The following GRK2 variants were observed in gnomAD, a reference collection of about 807,000 sequenced individuals.
GRK2 encodes the protein adrenergic beta receptor kinase 1.
A neutral mutation model predicts 97.8 loss-of-function variants in GRK2; 23 were observed. The ratio of observed to expected loss-of-function variants is 0.24; its 90% CI spans 0.17 to 0.33. GRK2 has a LOEUF of 0.33. GRK2 is among the 10% of genes least tolerant of loss of function. The probability of loss-of-function intolerance (pLI) is 1.00; values close to 1 mark genes in which losing one functional copy is unlikely to be tolerated. For missense variants in GRK2, 633 were observed against 956.9 expected (o/e 0.66, Z 4.47); for synonymous variants, 425 against 381.7 (o/e 1.11, Z -1.32).
intron 1 of GRK2, among the ~76,000 whole-genome samples, chr11:67,272,322 C>T (rs1859928545): frequency 1.3e-5 from 2 of 152,166 alleles, no homozygotes; most frequent in African/African-American, 4.8e-5. Flanking sequence ...AGCCTTTGGA[C>T]ATTTTCTTTG....
At position 67,282,615 on chromosome 11, in the gene GRK2, C is replaced by G. The variant is rs1422986700; in HGVS notation, c.1160+73C>G. On this transcript the variant is annotated intron_variant, in intron 13 of 20. Transcript: ENST00000308595. The surrounding 1 kb of genome is among the most constrained non-coding windows in gnomAD (Gnocchi z 6.9). Reference sequence around the variant, plus strand: ...TTCCTCCCCAATCCAGGTGGGATGCCAAAGGAGGGGAGCCCATAGCTGCCT... The same window carrying G: ...TTCCTCCCCAATCCAGGTGGGATGCGAAAGGAGGGGAGCCCATAGCTGCCT... 4.5e-6 allele frequency: 7 copies of G among 1,569,904 alleles called. No individual in the cohort carries two copies. Among genetic ancestry groups the G allele is most frequent in the Non-Finnish European group, 6.1e-6 (7 of 1,146,112 alleles).
At chr11:67,273,962 G>T (rs1387550657) in intron 1 of GRK2, among the ~76,000 whole-genome samples, 5 of 151,728 alleles carry the variant, frequency 3.3e-5, no homozygotes, top group Non-Finnish European at 7.4e-5. Context: ...AGTGGCAGTG[G>T]CTACTCCCTG....
chr11:67,280,783 C>G lies in GRK2; in HGVS notation c.555C>G (p.His185Gln). The G allele has an allele frequency of 1.2e-6, 2 of 1,614,006 alleles. No individual in the cohort carries two copies. Among genetic ancestry groups the G allele is most frequent in the Non-Finnish European group, 1.7e-6 (2 of 1,179,978 alleles). Residue 185 changes from histidine to glutamine, a missense_variant and splice_region_variant, in exon 7 of 21, where the codon CAC becomes CAG. Physicochemically the swap from His to Gln is conservative, Grantham distance 24. This residue lies in a region of GRK2 where 192 missense variants were observed against 362.3 expected (regional missense o/e 0.53). Coordinates refer to ENST00000308595, the MANE Select transcript of GRK2 (RefSeq NM_001619.5). Reference sequence around the variant, plus strand: ...GGAAGAATGTGGAGCTCAACATCCACGTGAGTGGGCTTGGGTGGGGCATGG... The same window carrying G: ...GGAAGAATGTGGAGCTCAACATCCAGGTGAGTGGGCTTGGGTGGGGCATGG... ...CQWKNVELNI[H>Q]LTMNDFSVHR...
chr11:67,283,525 A>G (rs1860199839), intron 15 of GRK2, 182 bp from the exon 16 acceptor site: 2 of 655,034 alleles, frequency 3.1e-6, no homozygotes, highest in East Asian at 5.4e-5. Flanking sequence ...TGCAAAATTT[A>G]CCAGTGTTAA....
intron 1 of GRK2, among the ~76,000 whole-genome samples, chr11:67,267,405 G>C (rs970192568): frequency 8.5e-5 from 13 of 152,238 alleles, no homozygotes; most frequent in African/African-American, 3.1e-4. Flanking sequence ...TGGGGTCGCT[G>C]TCCTGGAGTT....
rs1860204684 is a variant in GRK2, at chr11:67,283,716, G to A, written c.1338G>A (p.Glu446=). 5.0e-6 allele frequency: 8 copies of A among 1,613,452 alleles called. No homozygotes were observed. The highest frequency in any genetic ancestry group is 6.8e-6 in the Non-Finnish European group (8 of 1,180,006). Residue 446 remains glutamate, a synonymous_variant, in exon 16 of 21, where the codon GAG becomes GAA. Transcript: ENST00000308595. The part of the protein sequence containing the change: ...RLGCLGRGAQ[E]VKESPFFRSL... ...TGGCCTCTCCCCACAGGGCTCAGGA[G>A]GTGAAAGAGAGCCCCTTTTTCCGCT...
Position 67,282,063 on chromosome 11 carries a change from C to G in GRK2, c.957+111C>G. 7.0e-7 allele frequency: 1 copy of G among 1,430,130 alleles called. No individual in the cohort carries two copies. The highest frequency in any genetic ancestry group is 9.6e-7 in the Non-Finnish European group (1 of 1,041,006). 88.6% of individuals were successfully genotyped at this position (1,430,130 alleles called of 1,614,324 possible). On this transcript the variant is annotated intron_variant, in intron 11 of 20. Transcript: ENST00000308595. This position sits in a 1 kb window ranked among gnomAD's most constrained non-coding sequence, Gnocchi z 6.9. ...TGGGGCTCCTGGGACATGGCCGCCC[C>G]GTATCTTCCCATCTCCGCCCCTGCC...
intron 1 of GRK2, among the ~76,000 whole-genome samples, chr11:67,272,842 C>G (rs942649798): frequency 2.6e-5 from 4 of 152,254 alleles, no homozygotes; most frequent in African/African-American, 7.2e-5. Context: ...CCACCCTGCT[C>G]GGCTCAGCCC....
chr11:67,281,564 C>T lies in GRK2; in HGVS notation c.747+6C>T. 3 of 1,613,108 alleles carry T rather than the reference C, an allele frequency of 1.9e-6. No individual in the cohort carries two copies. The highest frequency in any genetic ancestry group is 2.5e-6 in the Non-Finnish European group (3 of 1,179,754). ...TCTCGCTCGTCAGCACTGGGGTGAG[C>T]TGGGTGGGCCGGGCTGCCGCTGAGG... is the stretch of plus-strand genomic sequence containing the variant. On this transcript the variant is annotated splice_donor_region_variant and intron_variant, in intron 9 of 20. Transcript: ENST00000308595. The surrounding 1 kb of genome is among the most constrained non-coding windows in gnomAD (Gnocchi z 5.7).
Position 67,281,841 on chromosome 11 carries a change from C to T in GRK2, c.846C>T (p.His282=). 5.6e-6 allele frequency: 9 copies of T among 1,613,726 alleles called. No individual in the cohort carries two copies. The highest frequency in any genetic ancestry group is 7.6e-6 in the Non-Finnish European group (9 of 1,179,986). Residue 282 remains histidine, a synonymous_variant, in exon 11 of 21, where the codon CAC becomes CAT. Transcript: ENST00000308595. This position sits in a 1 kb window ranked among gnomAD's most constrained non-coding sequence, Gnocchi z 5.7. ...DLMNGGDLHY[H]LSQHGVFSEA... ...CCTCAGGTGGGGACCTGCACTACCA[C>T]CTCTCCCAGCACGGGGTCTTCTCAG...
chr11:67,273,496 G>A (rs1039778602), intron 1 of GRK2, among the ~76,000 whole-genome samples: 3 of 152,130 alleles, frequency 2.0e-5, no homozygotes, highest in Admixed American at 2.0e-4. Context: ...GTGCTCGCCC[G>A]TGCTTGCCAC....
chr11:67,274,157 C>T (rs1298649751), intron 1 of GRK2, among the ~76,000 whole-genome samples: 2 of 151,994 alleles, frequency 1.3e-5, no homozygotes, highest in African/African-American at 2.4e-5. Flanking sequence ...GGACTACAGG[C>T]GCACGCCACC....
intron 1 of GRK2, among the ~76,000 whole-genome samples, chr11:67,268,819 C>G (rs1859849695): frequency 6.6e-6 from 1 of 152,212 alleles, no homozygotes; most frequent in Non-Finnish European, 1.5e-5. Context: ...CAGCAACCAA[C>G]CTGTGAAGCT....
At chr11:67,277,679 CAGGA>C (rs1284277876) in intron 2 of GRK2, among the ~76,000 whole-genome samples, 4 of 152,264 alleles carry the variant, frequency 2.6e-5, no homozygotes, top group African/African-American at 9.6e-5. Context: ...GTAGAACTGA[CAGGA>C]AGAGGCGGGG....
intron 1 of GRK2, among the ~76,000 whole-genome samples, chr11:67,274,495 C>CGTT: frequency 4.4e-5 from 1 of 22,482 alleles, no homozygotes; most frequent in South Asian, 3.5e-3. Context: ...TGACCAGCAC[C>CGTT]TTTTTTTTTT....
At chr11:67,267,334 C>T (rs779558926) in intron 1 of GRK2, among the ~76,000 whole-genome samples, 1 of 152,268 alleles carries the variant, frequency 6.6e-6, no homozygotes, top group East Asian at 1.9e-4. Flanking sequence ...CTCCTCCAGT[C>T]TACACTTGTG....
chr11:67,284,905 C>T lies in GRK2; in HGVS notation c.1713C>T (p.Pro571=). ...GCTACATGTCCAAGATGGGCAACCC[C>T]TTCCTGACCCAGTGGCAGCGGCGGT... ...MHGYMSKMGN[P]FLTQWQRRYF... is the part of the protein sequence containing the mutation. The change falls in exon 19 of 21, where the codon CCC becomes CCT. Residue 571 remains proline, a synonymous_variant. Coordinates refer to ENST00000308595, the MANE Select transcript of GRK2 (RefSeq NM_001619.5). 6.2e-7 allele frequency: 1 copy of T among 1,613,520 alleles called. No homozygotes were observed.
At chr11:67,272,832 C>T (rs1859938930) in intron 1 of GRK2, among the ~76,000 whole-genome samples, 1 of 152,238 alleles carries the variant, frequency 6.6e-6, no homozygotes, top group Non-Finnish European at 1.5e-5. Context: ...CAGAGGAGTC[C>T]CACCCTGCTC....
intron 1 of GRK2, among the ~76,000 whole-genome samples, chr11:67,271,927 C>G (rs1565062495): frequency 6.6e-6 from 1 of 152,214 alleles, no homozygotes; most frequent in East Asian, 1.9e-4. Context: ...GCACCTCGGC[C>G]ACAGCCACAG....
Sources: gnomAD v4.1 joint callset for allele counts (sites outside exome capture counted in the v4.1 genomes callset) on GRCh38, gnomAD v4.1.1 for gene constraint, gnomAD v4.1.1 regional missense constraint, Gnocchi (gnomAD v3.1) non-coding constraint, MANE v1.5 for transcripts, NCBI Gene and HGNC (gene_info 2026-07-23, HGNC 2026-07-21) for gene names.